The following FAT1 variants were observed in gnomAD, a reference collection of about 807,000 sequenced individuals.
The protein encoded by FAT1 is FAT atypical cadherin 1.
Under a neutral mutation model 329.8 loss-of-function variants are expected in FAT1, and 171 were observed. That is an observed-to-expected ratio of 0.52 (90% CI 0.46 to 0.59). The LOEUF is 0.59. FAT1 is among the 20% of genes least tolerant of loss of function. The probability of loss-of-function intolerance (pLI) is 0.00; values close to 1 mark genes in which losing one functional copy is unlikely to be tolerated. For synonymous variants in FAT1, 2,233 were observed against 2,228.6 expected, an observed-to-expected ratio of 1.00 and a Z score of -0.06; for missense variants, 5,672 against 5,774.4, an observed-to-expected ratio of 0.98 and a Z score of 0.57.
At chr4:186,622,237 AG>A (rs1227657034) in intron 9 of FAT1, among the ~76,000 whole-genome samples, 3 of 152,276 alleles carry the variant, frequency 2.0e-5, no homozygotes, top group African/African-American at 7.2e-5. Context: ...ATTGACATCA[AG>A]CTTCAAGAGA....
chr4:186,610,036 C>T (rs367599137), intron 14 of FAT1, 21 bp from the exon 15 acceptor site: 1 of 1,500,326 alleles, frequency 6.7e-7, no homozygotes, highest in South Asian at 1.1e-5. Context: ...ATCAAAATTA[C>T]TTCCAGCATT....
At chr4:186,689,872 A>G (rs1312234758) in intron 2 of FAT1, among the ~76,000 whole-genome samples, 2 of 152,190 alleles carry the variant, frequency 1.3e-5, no homozygotes, top group Non-Finnish European at 2.9e-5. Flanking sequence ...TCCAGAGGAA[A>G]ATTAACACAC....
chr4:186,632,889 C>T (rs560147621), intron 7 of FAT1, among the ~76,000 whole-genome samples: 10 of 152,146 alleles, frequency 6.6e-5, no homozygotes, highest in African/African-American at 9.7e-5. Context: ...AGATTATAAA[C>T]AAGCCTTTAG....
chr4:186,703,869 C>T (rs527788381), intron 2 of FAT1, among the ~76,000 whole-genome samples: 1 of 152,224 alleles, frequency 6.6e-6, no homozygotes, highest in Non-Finnish European at 1.5e-5. Context: ...AGACACACTC[C>T]AAGTGAATAA....
intron 3 of FAT1, among the ~76,000 whole-genome samples, chr4:186,659,541 G>A (rs373986853): frequency 2.6e-5 from 4 of 152,272 alleles, no homozygotes; most frequent in African/African-American, 4.8e-5. Context: ...CGTAACACCC[G>A]CAAGAGGAAG....
intron 6 of FAT1, among the ~76,000 whole-genome samples, chr4:186,635,062 A>C (rs1740765151): frequency 6.6e-6 from 1 of 152,224 alleles, no homozygotes; most frequent in Non-Finnish European, 1.5e-5. Context: ...TGATGACATC[A>C]ATTTCACACA....
intron 26 of FAT1, among the ~76,000 whole-genome samples, chr4:186,593,563 A>G (rs1265297428): frequency 6.6e-6 from 1 of 152,202 alleles, no homozygotes; most frequent in African/African-American, 2.4e-5. Flanking sequence ...CAGTGTAATC[A>G]TAAGGGTAAC....
At chr4:186,655,094 T>C (rs1741843125) in intron 3 of FAT1, among the ~76,000 whole-genome samples, 1 of 152,158 alleles carries the variant, frequency 6.6e-6, no homozygotes, top group African/African-American at 2.4e-5. Context: ...ATTATGTATT[T>C]AAAATCTCAG....
At chr4:186,687,707 T>C (rs994285588) in intron 2 of FAT1, among the ~76,000 whole-genome samples, 14 of 152,212 alleles carry the variant, frequency 9.2e-5, no homozygotes, top group Admixed American at 3.9e-4. Context: ...TAGTCCCAAG[T>C]ATTTCAGATA....
Position 186,618,479 on chromosome 4 carries a change from AT to A in FAT1, c.8106del (p.Lys2702AsnfsTer21). The A allele has an allele frequency of 6.2e-7, 1 of 1,614,046 alleles. No individual in the cohort carries two copies. The highest frequency in any genetic ancestry group is 8.5e-7 in the Non-Finnish European group (1 of 1,179,902). ...GTAAAGGTATAGAAAGGTTCTGAAA[AT>A]TTTGGAAGCTGCATTTCCGGTGGAA... is the stretch of plus-strand genomic sequence containing the variant. Reference protein sequence around the residue: ...KILPPEMQLPKFSEPFYTFTV... With the variant: ...KILPPEMQLPXFSEPFYTFTV... On this transcript the variant is annotated frameshift_variant, in exon 10 of 27. Coordinates refer to ENST00000441802, the MANE Select transcript of FAT1 (RefSeq NM_005245.4). LOFTEE classifies it high-confidence loss of function.
rs532476093 is a variant in FAT1, at chr4:186,613,235, G to A, written c.9337C>T (p.Leu3113Phe). Reference sequence around the variant, plus strand: ...TTATCGTTCACATCTTCTAGCGTGAGCACAATACTGGCTTGGCAGAATCTT... The same window carrying A: ...TTATCGTTCACATCTTCTAGCGTGAACACAATACTGGCTTGGCAGAATCTT... ...GGRFCQASIV[L>F]TLEDVNDNAP... Residue 3113 changes from leucine to phenylalanine, a missense_variant, in exon 13 of 27, where the codon CTC (leucine) becomes TTC (phenylalanine). Leu to Phe is a conservative substitution (Grantham distance 22). Coordinates refer to ENST00000441802, the MANE Select transcript of FAT1 (RefSeq NM_005245.4). 1.2e-6 allele frequency: 2 copies of A among 1,613,634 alleles called. No individual in the cohort carries two copies. Among genetic ancestry groups the A allele is most frequent in the Admixed American group, 3.3e-5 (2 of 60,026 alleles).
chr4:186,717,782 G>A (rs1262284526), intron 1 of FAT1, among the ~76,000 whole-genome samples: 13 of 152,198 alleles, frequency 8.5e-5, no homozygotes, highest in Non-Finnish European at 1.5e-5. Flanking sequence ...CAGCGGCTGT[G>A]TGTCTATTTC....
chr4:186,706,761 C>T lies in FAT1; in HGVS notation c.3067G>A (p.Val1023Ile), dbSNP rs200468967. 494 of 1,613,864 alleles carry T rather than the reference C, an allele frequency of 3.1e-4. 1 individual carries two copies. Among genetic ancestry groups the T allele is most frequent in the Non-Finnish European group, 3.8e-4 (448 of 1,179,904 alleles). ...SSTCYVEVEVVDVNENLHPPV... is the reference protein window; with the variant it reads ...SSTCYVEVEVIDVNENLHPPV... ...GGGTGCAGGTTCTCATTCACATCAA[C>T]CACCTCAACTTCAACATAGCAAGTA... Residue 1023 changes from valine to isoleucine, a missense_variant, in exon 2 of 27, where the codon GTT (valine) becomes ATT (isoleucine). Val to Ile is a conservative substitution (Grantham distance 29). This residue lies in a region of FAT1 where 3,966 missense variants were observed against 3,915.2 expected (regional missense o/e 1.01). Transcript: ENST00000441802.
At chr4:186,654,920 A>AC (rs1445567187) in intron 3 of FAT1, among the ~76,000 whole-genome samples, 1 of 151,912 alleles carries the variant, frequency 6.6e-6, no homozygotes, top group African/African-American at 2.4e-5. Context: ...AAAAACAAAA[A>AC]AAAAAACAAA....
At position 186,620,621 on chromosome 4, in the gene FAT1, T is replaced by A. The variant is rs1412586322; in HGVS notation, c.5965A>T (p.Lys1989Ter). 4 of 1,613,996 alleles carry A rather than the reference T, an allele frequency of 2.5e-6. No homozygotes were observed. Among genetic ancestry groups the A allele is most frequent in the Non-Finnish European group, 3.4e-6 (4 of 1,179,876 alleles). The change falls in exon 10 of 27, where the codon AAA becomes TAA. Residue 1989 changes from lysine (K) to a stop codon, truncating the protein, a stop_gained. Transcript: ENST00000441802. LOFTEE classifies it high-confidence loss of function. ...FTQDVYSAVVKENSTEAETLA... is the reference protein window; with the variant it reads ...FTQDVYSAVV ...GTTTCGGCCTCGGTGGAATTCTCTT[T>A]CACTACCGCAGAGTAGACATCCTGG... is the stretch of plus-strand genomic sequence containing the variant.
In FAT1 at chr4:186,611,434, T is replaced by C. The variant is rs774564692; in HGVS notation, c.9805A>G (p.Ile3269Val). ...TTCCCATGTTCATTTCCACTTATTA[T>C]TGAGTAGGTGATTTCTGCATTTGCT... ...IEANAEITYSIISGNEHGKFS... is the reference protein window; with the variant it reads ...IEANAEITYSVISGNEHGKFS... Residue 3269 changes from isoleucine to valine, a missense_variant, in exon 14 of 27, where the codon ATA becomes GTA. By Grantham distance (29) the Ile-to-Val change is conservative (BLOSUM62 3). Coordinates refer to ENST00000441802, the MANE Select transcript of FAT1 (RefSeq NM_005245.4). 1.9e-6 allele frequency: 3 copies of C among 1,613,768 alleles called. No homozygotes were observed. The highest frequency in any genetic ancestry group is 1.3e-5 in the African/African-American group (1 of 74,916).
Position 186,609,263 on chromosome 4 carries a change from C to A in FAT1, c.10126G>T (p.Asp3376Tyr). ...GTGAACGAGCTTCCTTGGTTGCCAT[C>A]TATAATTGAGTAGTGGATGTGGCTG... Reference protein sequence around the residue: ...SNSHIHYSIIDGNQGSSFTID... With the variant: ...SNSHIHYSIIYGNQGSSFTID... Residue 3376 changes from aspartate (D) to tyrosine (Y), a missense_variant, in exon 16 of 27, where the codon GAT becomes TAT. Physicochemically the swap from Asp to Tyr is radical, Grantham distance 160 (BLOSUM62 -3). Coordinates refer to ENST00000441802, the MANE Select transcript of FAT1 (RefSeq NM_005245.4). 6.2e-7 allele frequency: 1 copy of A among 1,614,066 alleles called. No homozygotes were observed. Among genetic ancestry groups the A allele is most frequent in the Non-Finnish European group, 8.5e-7 (1 of 1,179,908 alleles).
At position 186,593,097 on chromosome 4, in the gene FAT1, T is replaced by A. The variant is rs546187132; in HGVS notation, c.13138+2592A>T. ...TATTTTAACATCTTACAGGCAAGAC[T>A]CGACATTCCAAGACTACAGTCTGTG... On this transcript the variant is annotated intron_variant, in intron 26 of 26. Coordinates refer to ENST00000441802, the MANE Select transcript of FAT1 (RefSeq NM_005245.4). 2.6e-4 allele frequency among the ~76,000 whole-genome samples: 39 copies of A among 152,322 alleles called. 1 individual carries two copies. In the South Asian group the frequency reaches 5.6e-3, roughly 22 times the overall value.
intron 26 of FAT1, among the ~76,000 whole-genome samples, chr4:186,595,066 G>A (rs1738435096): frequency 6.6e-6 from 1 of 151,990 alleles, no homozygotes; most frequent in African/African-American, 2.4e-5. Context: ...ACCCTATAGG[G>A]AAACCAGATC....
Sources: allele counts gnomAD v4.1 joint callset (sites outside exome capture counted in the v4.1 genomes callset), GRCh38; gene constraint gnomAD v4.1.1; regional missense constraint gnomAD v4.1.1; transcripts MANE v1.5; gene names NCBI Gene and HGNC (gene_info 2026-07-23, HGNC 2026-07-21).